Variants in ITCH observed in about 807,000 individuals in gnomAD.
ITCH encodes E3 ubiquitin-protein ligase Itchy homolog.
In ITCH, 28 loss-of-function variants were observed where a neutral mutation model predicts 126.8. The ratio of observed to expected loss-of-function variants is 0.22; its 90% CI spans 0.16 to 0.30. The LOEUF (loss-of-function observed/expected upper bound fraction) is 0.30. ITCH is among the 10% of genes least tolerant of loss of function. The pLI is 1.00. For missense variants in ITCH, 631 were observed against 1,032.4 expected (o/e 0.61, Z 5.33); for synonymous variants, 342 against 340.0 (o/e 1.01, Z -0.06).
intron 21 of ITCH, 32 bp downstream of exon 21, chr20:34,489,418 T>C (rs1989362882): frequency 6.3e-7 from 1 of 1,597,360 alleles, no homozygotes. Flanking sequence ...CCCTGTACCA[T>C]GCTAGTAAAT....
At chr20:34,387,809 G>C (rs890229366) in intron 2 of ITCH, among the ~76,000 whole-genome samples, 52 of 151,912 alleles carry the variant, frequency 3.4e-4, no homozygotes, top group Admixed American at 3.3e-3. Context: ...GGTTCAAGCG[G>C]TTCTCTTGCC....
chr20:34,389,018 G>C (rs2038391838), intron 2 of ITCH, among the ~76,000 whole-genome samples: 1 of 152,072 alleles, frequency 6.6e-6, no homozygotes, highest in Non-Finnish European at 1.5e-5. Context: ...TATATGTGGG[G>C]ATTGCTTCTA....
At chr20:34,478,236 TC>T (rs1988409276) in intron 17 of ITCH, among the ~76,000 whole-genome samples, 2 of 152,280 alleles carry the variant, frequency 1.3e-5, no homozygotes, top group Middle Eastern at 6.8e-3. Context: ...TTATATCTGT[TC>T]CACAGAAAAC....
intron 13 of ITCH, among the ~76,000 whole-genome samples, chr20:34,460,944 C>T (rs879807312): frequency 6.6e-6 from 1 of 151,420 alleles, no homozygotes; most frequent in Admixed American, 6.6e-5. Flanking sequence ...TTGCTTGAAC[C>T]CAGGAGTTTG....
intron 13 of ITCH, 116 bp from the exon 14 acceptor site, chr20:34,461,977 A>G (rs1012960046): frequency 2.0e-6 from 2 of 1,002,504 alleles, no homozygotes; most frequent in Admixed American, 3.8e-5. Flanking sequence ...TGAATTACTG[A>G]ACTGAATGGT....
chr20:34,375,834 G>A (rs938938115), intron 2 of ITCH, among the ~76,000 whole-genome samples: 2 of 147,788 alleles, frequency 1.4e-5, no homozygotes, highest in African/African-American at 5.0e-5. Flanking sequence ...GCAACATAGC[G>A]AGATCCCGTC....
At chr20:34,455,347 G>A (rs1985779818) in intron 12 of ITCH, among the ~76,000 whole-genome samples, 1 of 152,174 alleles carries the variant, frequency 6.6e-6, no homozygotes, top group South Asian at 2.1e-4. Flanking sequence ...TTAGGATACA[G>A]CAGGAATCCC....
intron 14 of ITCH, among the ~76,000 whole-genome samples, chr20:34,465,353 T>C (rs189388802): frequency 7.2e-5 from 11 of 152,266 alleles, no homozygotes; most frequent in Admixed American, 7.2e-4. Flanking sequence ...TGCTTTTGAC[T>C]ATTCAGGGTC....
intron 6 of ITCH, among the ~76,000 whole-genome samples, chr20:34,419,224 C>T (rs1236185898): frequency 6.6e-6 from 1 of 152,164 alleles, no homozygotes; most frequent in Admixed American, 6.5e-5. Context: ...TATATATTCT[C>T]ATATTTAATA....
intron 6 of ITCH, among the ~76,000 whole-genome samples, chr20:34,418,823 G>A (rs534677073): frequency 1.4e-5 from 2 of 145,084 alleles, no homozygotes; most frequent in African/African-American, 2.5e-5. Flanking sequence ...GTGCAATGGC[G>A]CGATCTCGGC....
intron 3 of ITCH, among the ~76,000 whole-genome samples, chr20:34,398,834 A>G (rs1363023935): frequency 6.6e-6 from 1 of 152,188 alleles, no homozygotes; most frequent in Non-Finnish European, 1.5e-5. Context: ...ATAATAGTTC[A>G]GCAAACATTA....
At chr20:34,502,757 G>T (rs1454485400) in intron 23 of ITCH, among the ~76,000 whole-genome samples, 1 of 148,784 alleles carries the variant, frequency 6.7e-6, no homozygotes, top group Non-Finnish European at 1.5e-5. Context: ...GATGGCTCAT[G>T]CCTGTAATCC....
In ITCH at chr20:34,435,606, T is replaced by A. The variant is rs537248670; in HGVS notation, c.522-2868T>A. 8.5e-5 allele frequency among the ~76,000 whole-genome samples: 13 copies of A among 152,334 alleles called. No homozygotes were observed. The East Asian group carries it at 1.2e-3, about 14-fold the overall frequency. On this transcript the variant is annotated intron_variant, in intron 7 of 24. Coordinates refer to ENST00000374864, the MANE Select transcript of ITCH (RefSeq NM_031483.7). ...TTGTAGAGCAGCCTGCCCTTTAATA[T>A]GCTACTTTACTTAGTTTATTTACTC...
intron 3 of ITCH, among the ~76,000 whole-genome samples, chr20:34,405,727 C>A (rs1306043233): frequency 6.6e-6 from 1 of 152,012 alleles, no homozygotes; most frequent in African/African-American, 2.4e-5. Flanking sequence ...TCTGTGTAAT[C>A]CTGTGATTAA....
chr20:34,438,178 G>T (rs1182933363), intron 7 of ITCH, among the ~76,000 whole-genome samples: 1 of 152,114 alleles, frequency 6.6e-6, no homozygotes, highest in Admixed American at 6.5e-5. Context: ...TTCATATAGG[G>T]CCTTCTGAAG....
At chr20:34,507,599 T>C in intron 24 of ITCH, 96 bp from the exon 25 acceptor site, 1 of 907,458 alleles carries the variant, frequency 1.1e-6, no homozygotes, top group Non-Finnish European at 1.8e-6. Flanking sequence ...TAGTATATTT[T>C]TGTGCTTCTA....
chr20:34,405,164 A>AAG (rs1555858503), intron 3 of ITCH, among the ~76,000 whole-genome samples: 6 of 148,736 alleles, frequency 4.0e-5, no homozygotes, highest in African/African-American at 1.5e-4. Context: ...AAAAAAAAAA[A>AAG]GGTTTCAGTG....
intron 2 of ITCH, among the ~76,000 whole-genome samples, chr20:34,386,714 G>A (rs2038296432): frequency 6.6e-6 from 1 of 152,102 alleles, no homozygotes; most frequent in Non-Finnish European, 1.5e-5. Flanking sequence ...TATGTTGGGT[G>A]TGTTATTTCT....
In ITCH at chr20:34,396,260, C is replaced by G. The variant is rs571844681; in HGVS notation, c.70+2379C>G. On this transcript the variant is annotated intron_variant, in intron 3 of 24. Coordinates refer to ENST00000374864, the MANE Select transcript of ITCH (RefSeq NM_031483.7). ...TGTTGGCCAGGCTGGTCTCGAACTC[C>G]TGACCTCAGGTGATCCACCTGCCTC... 5.3e-5 allele frequency among the ~76,000 whole-genome samples: 8 copies of G among 152,076 alleles called. No individual in the cohort carries two copies. The South Asian group carries it at 1.7e-3, about 32-fold the overall frequency.
Sources: allele counts gnomAD v4.1 joint callset (sites outside exome capture counted in the v4.1 genomes callset), GRCh38; gene constraint gnomAD v4.1.1; transcripts MANE v1.5; gene names NCBI Gene and HGNC (gene_info 2026-07-23, HGNC 2026-07-21).